UST: variants seen among roughly 807,000 people sequenced by gnomAD.
UST encodes uronyl 2-sulfotransferase.
Under a neutral mutation model 45.6 loss-of-function variants are expected in UST, and 21 were observed. The ratio of observed to expected loss-of-function variants is 0.46; its 90% confidence interval spans 0.33 to 0.66. The LOEUF (loss-of-function observed/expected upper bound fraction) is 0.66. Among genes scored for constraint, UST ranks in the 30% least tolerant of loss-of-function variants. UST has a pLI of 0.02. For synonymous variants in UST, 215 were observed against 200.6 expected (o/e 1.07, Z -0.61); for missense variants, 463 against 512.4 (o/e 0.90, Z 0.93).
chr6:148,922,608 C>T (rs1779732429), intron 2 of UST, among the ~76,000 whole-genome samples: 1 of 147,506 alleles, frequency 6.8e-6, no homozygotes. Flanking sequence ...CCTGCCTCAG[C>T]CTCCTCAGTA....
At chr6:148,882,870 C>A (rs1292134396) in intron 1 of UST, among the ~76,000 whole-genome samples, 14 of 152,294 alleles carry the variant, frequency 9.2e-5, no homozygotes, top group Non-Finnish European at 1.3e-4. Context: ...ATAGGATTTT[C>A]ATTTCTTATT....
At chr6:148,961,326 C>T (rs1780652548) in intron 4 of UST, among the ~76,000 whole-genome samples, 1 of 152,002 alleles carries the variant, frequency 6.6e-6, no homozygotes, top group South Asian at 2.1e-4. Flanking sequence ...TGTTGTTGAA[C>T]AAAAAACAAA....
At chr6:148,827,311 T>C (rs952048691) in intron 1 of UST, among the ~76,000 whole-genome samples, 1 of 152,156 alleles carries the variant, frequency 6.6e-6, no homozygotes, top group East Asian at 1.9e-4. Flanking sequence ...GAGGAGTCTG[T>C]AGCCTTTCAT....
chr6:148,915,155 C>T (rs72994226), intron 2 of UST, among the ~76,000 whole-genome samples: 4,004 of 152,136 alleles, frequency 0.026, 75 homozygotes, highest in Non-Finnish European at 0.04. Context: ...GATTAGCTTC[C>T]GGCATATGAA....
chr6:149,015,030 G>A (rs1010896207), intron 5 of UST, among the ~76,000 whole-genome samples: 1 of 152,018 alleles, frequency 6.6e-6, no homozygotes, highest in South Asian at 2.1e-4. Context: ...GGGTGAAGAG[G>A]GGGTGTGGGA....
rs1021406451 is a variant in UST, at chr6:148,748,230, C to A, written c.247+553C>A. Among the ~76,000 whole-genome samples the A allele has an allele frequency of 1.3e-5, 2 of 152,088 alleles. No individual in the cohort carries two copies. The highest frequency in any genetic ancestry group is 3.9e-4 in the East Asian group (2 of 5,154). The stretch of plus-strand genomic sequence containing the variant: ...GCGCTGTCCCCGGGCTGGCTTGTCC[C>A]TTGGCTGCCGCTGCCCACCCCGCCG... On this transcript the variant is annotated intron_variant, in intron 1 of 7. Transcript: ENST00000367463. The surrounding 1 kb of genome is among the most constrained non-coding windows in gnomAD (Gnocchi z 5.3).
rs116908330 is a variant in UST, at chr6:148,882,519, A to G, written c.248-4467A>G. On this transcript the variant is annotated intron_variant, in intron 1 of 7. Transcript: ENST00000367463. ...AAAAAAAAAAAAAAAGAGTTGTCTC[A>G]TTTCTGTGATGTGACATCTGATTAT... 9.7e-4 allele frequency among the ~76,000 whole-genome samples: 143 copies of G among 147,860 alleles called. 1 individual carries two copies. The East Asian group carries it at 0.028, about 29-fold the overall frequency.
In UST at chr6:149,032,898, TC is replaced by T. The variant is rs368075124; in HGVS notation, c.937+11418del. Among the ~76,000 whole-genome samples the T allele has an allele frequency of 3.1e-3, 475 of 152,360 alleles. 3 individuals are homozygous for T. The highest frequency in any genetic ancestry group is 0.011 in the African/African-American group (451 of 41,578). On this transcript the variant is annotated intron_variant, in intron 7 of 7. Transcript: ENST00000367463. Reference sequence around the variant, plus strand: ...TTCTGTGTTTGGAGGTGAATTTTTTTCTACTTTAGAATTTAATCACTTCTAC... The same window carrying T: ...TTCTGTGTTTGGAGGTGAATTTTTTTTACTTTAGAATTTAATCACTTCTAC...
intron 1 of UST, among the ~76,000 whole-genome samples, chr6:148,793,427 A>G (rs1387805597): frequency 6.6e-6 from 1 of 152,208 alleles, no homozygotes; most frequent in African/African-American, 2.4e-5. Context: ...CCAGGTCCCC[A>G]GAAACCCCCC....
rs556294488 is a variant in UST at position 148,840,241 on chromosome 6, A to G, written c.248-46745A>G. ...ACTTTGCATCTGGGGCTGCACTGCT[A>G]GAGATGCTGCTTCTGGTGCTCATGC... On this transcript the variant is annotated intron_variant, in intron 1 of 7. Coordinates refer to ENST00000367463, the MANE Select transcript of UST (RefSeq NM_005715.3). Among the ~76,000 whole-genome samples, 188 of 152,280 alleles carry G rather than the reference A, an allele frequency of 1.2e-3. 1 individual carries two copies. The highest frequency in any genetic ancestry group is 3.8e-3 in the African/African-American group (158 of 41,568).
At chr6:148,837,107 A>G (rs1043529086) in intron 1 of UST, among the ~76,000 whole-genome samples, 1 of 152,186 alleles carries the variant, frequency 6.6e-6, no homozygotes, top group Non-Finnish European at 1.5e-5. Flanking sequence ...TACACCTGAT[A>G]TATATACTGT....
intron 5 of UST, among the ~76,000 whole-genome samples, chr6:149,006,732 T>C (rs1240327430): frequency 1.3e-5 from 2 of 152,228 alleles, no homozygotes; most frequent in African/African-American, 4.8e-5. Flanking sequence ...AATGTTCCTA[T>C]TTCTCCACAG....
At chr6:148,950,786 A>G (rs1021696898) in intron 3 of UST, among the ~76,000 whole-genome samples, 115 of 151,980 alleles carry the variant, frequency 7.6e-4, no homozygotes, top group African/African-American at 2.6e-3. Flanking sequence ...TCTACCATCT[A>G]CCTCATGGTG....
rs1288200333 is a variant in UST, at chr6:148,747,298, C to T, written c.-133C>T. On this transcript the variant is annotated 5_prime_UTR_variant, in exon 1 of 8. Coordinates refer to ENST00000367463, the MANE Select transcript of UST (RefSeq NM_005715.3). The stretch of plus-strand genomic sequence containing the variant: ...CTCCTGAGCCCGGCAACTTCGGCCC[C>T]TCCCCGCCCCCACCCGGCTGCCCTC... 6.0e-6 allele frequency: 7 copies of T among 1,162,984 alleles called. No homozygotes were observed. The highest frequency in any genetic ancestry group is 7.8e-6 in the Non-Finnish European group (7 of 901,684). 72.0% of individuals were successfully genotyped at this position (1,162,984 alleles called of 1,614,324 possible). A position where few individuals can be genotyped will look rare whatever the true frequency, so the allele number is the denominator to read the frequency against.
In UST at chr6:149,062,711, T is replaced by G. The variant is rs370706655; in HGVS notation, c.938-11122T>G. On this transcript the variant is annotated intron_variant, in intron 7 of 7. Coordinates refer to ENST00000367463, the MANE Select transcript of UST (RefSeq NM_005715.3). ...AACAGCCTGTGGTGTAGCAAAAAGG[T>G]GCAAGGCTGAGAATCAGAAAGCCCA... Among the ~76,000 whole-genome samples the G allele has an allele frequency of 3.3e-5, 5 of 152,314 alleles. 1 individual carries two copies. Among genetic ancestry groups the G allele is most frequent in the Admixed American group, 2.0e-4 (3 of 15,296 alleles).
chr6:149,045,544 TG>T (rs1380790001), intron 7 of UST, among the ~76,000 whole-genome samples: 1 of 152,156 alleles, frequency 6.6e-6, no homozygotes, highest in Non-Finnish European at 1.5e-5. Flanking sequence ...GAAGTGTGTG[TG>T]GGTACCCTGC....
At chr6:148,836,418 T>TG (rs1777786223) in intron 1 of UST, among the ~76,000 whole-genome samples, 1 of 152,226 alleles carries the variant, frequency 6.6e-6, no homozygotes, top group Non-Finnish European at 1.5e-5. Context: ...ACTTGGCATC[T>TG]GGCAGTGTTT....
intron 1 of UST, among the ~76,000 whole-genome samples, chr6:148,806,536 A>G (rs1777151780): frequency 6.6e-6 from 1 of 151,050 alleles, no homozygotes; most frequent in Non-Finnish European, 1.5e-5. Context: ...GGGTTTCACC[A>G]TGTTGCCCAG....
intron 1 of UST, among the ~76,000 whole-genome samples, chr6:148,835,709 G>T (rs1419573621): frequency 6.6e-6 from 1 of 152,158 alleles, no homozygotes; most frequent in Non-Finnish European, 1.5e-5. Flanking sequence ...CTTGTGGGGG[G>T]CTTTAGTGTT....
Sources: allele counts gnomAD v4.1 joint callset (sites outside exome capture counted in the v4.1 genomes callset), GRCh38; gene constraint gnomAD v4.1.1; non-coding constraint Gnocchi (gnomAD v3.1); transcripts MANE v1.5; gene names NCBI Gene and HGNC (gene_info 2026-07-23, HGNC 2026-07-21).